The following NMBR variants were observed in gnomAD, a reference collection of about 807,000 sequenced individuals.
NMBR encodes neuromedin B receptor.
In NMBR, 16 loss-of-function variants were observed where a neutral mutation model predicts 20.5. That is an observed-to-expected ratio of 0.78 (90% confidence interval 0.53 to 1.19). NMBR has a LOEUF of 1.19. NMBR is among the 50% of genes most tolerant of loss of function. The pLI is 0.00. For synonymous variants in NMBR, 212 were observed against 196.6 expected (o/e 1.08, Z -0.65); for missense variants, 582 against 499.1 (o/e 1.17, Z -1.58).
At chr6:142,139,687 G>T (rs1441749379) in intron 1 of NMBR, among the ~76,000 whole-genome samples, 4 of 152,170 alleles carry the variant, frequency 2.6e-5, no homozygotes, top group African/African-American at 9.7e-5. Flanking sequence ...TAAAGATAGA[G>T]ATAAGACGAG....
At chr6:142,133,831 T>C (rs904183166) in intron 1 of NMBR, 2 of 613,784 alleles carry the variant, frequency 3.3e-6, no homozygotes, top group Non-Finnish European at 3.0e-6. Context: ...AGATTTTTTT[T>C]CTCCTAAAAC....
chr6:142,082,697 T>C (rs1777123173), intron 2 of NMBR, among the ~76,000 whole-genome samples: 1 of 152,162 alleles, frequency 6.6e-6, no homozygotes, highest in African/African-American at 2.4e-5. Context: ...TGCAGTGCAA[T>C]GGGTGCACAT....
intron 3 of NMBR, 57 bp downstream of exon 3, chr6:142,078,498 T>C (rs1042378674): frequency 6.2e-5 from 60 of 963,908 alleles, no homozygotes; most frequent in South Asian, 3.3e-4. Context: ...AATAAAACAA[T>C]AAATAGCAGT....
In NMBR at chr6:142,088,625, T is replaced by A. The variant is rs138656389; in HGVS notation, c.34A>T (p.Thr12Ser). 8 of 1,606,168 alleles carry A rather than the reference T, an allele frequency of 5.0e-6. No homozygotes were observed. In the African/African-American group the frequency reaches 1.1e-4, roughly 21 times the overall value. The change falls in exon 2 of 4, where the codon ACC becomes TCC. Residue 12 changes from threonine (T) to serine (S), a missense_variant. Coordinates refer to ENST00000258042, the MANE Select transcript of NMBR (RefSeq NM_002511.4). Reference sequence around the variant, plus strand: ...GAACCGCTCTCATTCGCGCCGGTGGTCACCGAGAGGTTGGAAAGAGACTTA... The same window carrying A: ...GAACCGCTCTCATTCGCGCCGGTGGACACCGAGAGGTTGGAAAGAGACTTA... ...PSKSLSNLSV[T>S]TGANESGSVP...
chr6:142,121,493 G>A (rs74478334), intron 1 of NMBR, among the ~76,000 whole-genome samples: 16,248 of 151,952 alleles, frequency 0.11, 995 homozygotes, highest in Admixed American at 0.16. Flanking sequence ...GTGCTACTCC[G>A]ATTAATACAA....
intron 2 of NMBR, 79 bp from the exon 3 acceptor site, chr6:142,078,982 AAGG>A (rs1777021993): frequency 1.0e-6 from 1 of 979,818 alleles, no homozygotes; most frequent in African/African-American, 1.6e-5. Flanking sequence ...AAGAAAAAGA[AAGG>A]AAGAAAGGGA....
rs1001531532 is a variant in NMBR at position 142,088,519 on chromosome 6, G to A, written c.140C>T (p.Pro47Leu). Residue 47 changes from proline to leucine, a missense_variant, in exon 2 of 4, where the codon CCG becomes CTG. Pro to Leu is a moderately conservative substitution (Grantham distance 98). Coordinates refer to ENST00000258042, the MANE Select transcript of NMBR (RefSeq NM_002511.4). ...GGTGATGATGAGCAGGTAGAGGGAC[G>A]GGATCACACAGCGGATCACCAACTC... ...TTELVIRCVI[P>L]SLYLLIITVG... is the part of the protein sequence containing the mutation. 2 of 1,614,040 alleles carry A rather than the reference G, an allele frequency of 1.2e-6. No individual in the cohort carries two copies. Among genetic ancestry groups the A allele is most frequent in the Non-Finnish European group, 8.5e-7 (1 of 1,180,010 alleles).
intron 2 of NMBR, among the ~76,000 whole-genome samples, chr6:142,086,321 T>C (rs1349754038): frequency 1.3e-5 from 2 of 152,128 alleles, no homozygotes; most frequent in African/African-American, 4.8e-5. Context: ...ACAAAAAAAG[T>C]TAGCACTGTG....
chr6:142,142,006 A>G (rs774420155), intron 1 of NMBR, among the ~76,000 whole-genome samples: 6 of 152,206 alleles, frequency 3.9e-5, no homozygotes, highest in East Asian at 1.9e-4. Flanking sequence ...AAAATCATCC[A>G]TAAGATAAAT....
At chr6:142,127,316 TG>T (rs112861980) in intron 1 of NMBR, among the ~76,000 whole-genome samples, 121 of 152,104 alleles carry the variant, frequency 8.0e-4, no homozygotes, top group African/African-American at 2.8e-3. Context: ...GGACTTATTT[TG>T]GGGATCCCTT....
At chr6:142,112,553 C>G (rs1426279996) in intron 1 of NMBR, among the ~76,000 whole-genome samples, 1 of 152,150 alleles carries the variant, frequency 6.6e-6, no homozygotes, top group Non-Finnish European at 1.5e-5. Context: ...AATCAGCCTG[C>G]CTTTACTCCC....
chr6:142,100,792 T>A (rs1364957695), intron 1 of NMBR, among the ~76,000 whole-genome samples: 1 of 152,168 alleles, frequency 6.6e-6, no homozygotes, highest in Non-Finnish European at 1.5e-5. Flanking sequence ...TATGTACGTG[T>A]GTTGGTAGAG....
intron 1 of NMBR, among the ~76,000 whole-genome samples, chr6:142,124,560 C>T (rs1337030042): frequency 6.6e-6 from 1 of 151,830 alleles, no homozygotes; most frequent in Non-Finnish European, 1.5e-5. Flanking sequence ...AATGCACTCT[C>T]AAGTCTTCTG....
At chr6:142,080,478 T>C (rs1777072365) in intron 2 of NMBR, among the ~76,000 whole-genome samples, 1 of 151,930 alleles carries the variant, frequency 6.6e-6, no homozygotes, top group South Asian at 2.1e-4. Context: ...GCCTAGCTAA[T>C]TTTTGTATTT....
rs751431020 is a variant in NMBR at position 142,075,706 on chromosome 6, A to C, written c.1115T>G (p.Met372Arg). 2.0e-5 allele frequency: 32 copies of C among 1,613,888 alleles called. 1 individual carries two copies. The South Asian group carries it at 3.1e-4, about 16-fold the overall frequency. ...ATTTAGTAAAACAGAATTGGTCACC[A>C]TGTTCTTAGCATTGCTTTTCAGAGA... The part of the protein sequence containing the change: ...MTSLKSNAKN[M>R]VTNSVLLNGH... The change falls in exon 4 of 4, where the codon ATG becomes AGG. Residue 372 changes from methionine (M) to arginine (R), a missense_variant. Physicochemically the swap from Met to Arg is moderately conservative, Grantham distance 91 (BLOSUM62 -1). Coordinates refer to ENST00000258042, the MANE Select transcript of NMBR (RefSeq NM_002511.4).
intron 1 of NMBR, among the ~76,000 whole-genome samples, chr6:142,096,365 T>C (rs1004299904): frequency 2.6e-5 from 4 of 152,190 alleles, no homozygotes; most frequent in Admixed American, 2.0e-4. Context: ...TTTGTTCTCA[T>C]TGGTTTCAAA....
At chr6:142,081,865 C>T (rs1415849038) in intron 2 of NMBR, among the ~76,000 whole-genome samples, 2 of 152,014 alleles carry the variant, frequency 1.3e-5, no homozygotes, top group African/African-American at 4.8e-5. Flanking sequence ...ATATCCCTAA[C>T]TGAAAACTAA....
chr6:142,107,704 C>T (rs865925829), intron 1 of NMBR, among the ~76,000 whole-genome samples: 16 of 151,766 alleles, frequency 1.1e-4, no homozygotes, highest in African/African-American at 2.7e-4. Context: ...ACCCTTATAC[C>T]GGAAAAATGT....
chr6:142,101,974 C>G (rs993134490), intron 1 of NMBR, among the ~76,000 whole-genome samples: 3 of 152,066 alleles, frequency 2.0e-5, no homozygotes, highest in Non-Finnish European at 4.4e-5. Context: ...ATATAGCACA[C>G]CAGGGAGACT....
Sources: allele counts gnomAD v4.1 joint callset (sites outside exome capture counted in the v4.1 genomes callset), GRCh38; gene constraint gnomAD v4.1.1; transcripts MANE v1.5; gene names NCBI Gene and HGNC (gene_info 2026-07-23, HGNC 2026-07-21).